The following ZXDC variants were observed in gnomAD, a reference collection of about 807,000 sequenced individuals.
ZXDC encodes the protein zinc finger protein ZXDC.
A neutral mutation model predicts 63.6 loss-of-function variants in ZXDC; 58 were observed. The ratio of observed to expected loss-of-function variants is 0.91; its 90% CI spans 0.74 to 1.13. ZXDC has a LOEUF of 1.13. Among genes scored for constraint, ZXDC ranks in the 50% most tolerant of loss-of-function variants. The pLI is 0.00. For synonymous variants in ZXDC, 561 were observed against 496.1 expected (o/e 1.13, Z -1.74); for missense variants, 1,133 against 1,148.9 (o/e 0.99, Z 0.20).
At chr3:126,453,297 G>A in intron 7 of ZXDC, 2 of 985,362 alleles carry the variant, frequency 2.0e-6, no homozygotes, top group Middle Eastern at 5.2e-4. Flanking sequence ...TGCTCAGACA[G>A]AAAAGGAAAA....
In ZXDC at chr3:126,466,214, A is replaced by G; in HGVS notation, c.1382T>C (p.Leu461Pro). 1 of 1,614,252 alleles carries G rather than the reference A, an allele frequency of 6.2e-7. No homozygotes were observed. Among genetic ancestry groups the G allele is most frequent in the African/African-American group, 1.3e-5 (1 of 75,050 alleles). The change falls in exon 5 of 10, where the codon CTC (leucine) becomes CCC (proline). Residue 461 changes from leucine (L) to proline (P), a missense_variant. By Grantham distance (98) the Leu-to-Pro change is moderately conservative. Transcript: ENST00000389709. ...CTTCATGCTGTGCTTGGAGGTGAAGAGTCTGTTGCAGGTAGAAACTGGGCA... is the reference window on the plus strand; with the variant it reads ...CTTCATGCTGTGCTTGGAGGTGAAGGGTCTGTTGCAGGTAGAAACTGGGCA... ...SRCPVSTCNR[L>P]FTSKHSMKAH...
intron 7 of ZXDC, among the ~76,000 whole-genome samples, chr3:126,456,404 G>C (rs1274005112): frequency 6.6e-6 from 1 of 152,254 alleles, no homozygotes; most frequent in Non-Finnish European, 1.5e-5. Context: ...GAGGGCTGGA[G>C]ACTAAGGCCA....
chr3:126,471,326 T>G (rs1410082883), intron 3 of ZXDC, among the ~76,000 whole-genome samples: 7 of 152,294 alleles, frequency 4.6e-5, no homozygotes, highest in African/African-American at 1.7e-4. Flanking sequence ...ATGAAGGTGT[T>G]TCTATTGTTT....
intron 7 of ZXDC, chr3:126,459,271 A>T: frequency 1.0e-6 from 1 of 985,430 alleles, no homozygotes; most frequent in Non-Finnish European, 1.2e-6. Flanking sequence ...ACCTGGGGAC[A>T]GTGGCAGTCC....
intron 7 of ZXDC, chr3:126,454,066 T>TATA: frequency 2.7e-6 from 2 of 735,874 alleles, no homozygotes; most frequent in African/African-American, 2.1e-5. Flanking sequence ...ATATATATAT[T>TATA]TTTTTTTTTG....
chr3:126,446,490 C>T (rs894648957), intron 7 of ZXDC, among the ~76,000 whole-genome samples: 1 of 152,218 alleles, frequency 6.6e-6, no homozygotes, highest in Admixed American at 6.5e-5. Context: ...CCAGTAGCAC[C>T]GCAGTGCCTG....
At chr3:126,442,141 A>C in intron 7 of ZXDC, 195 bp from the exon 8 acceptor site, 2 of 548,792 alleles carry the variant, frequency 3.6e-6, no homozygotes, top group Non-Finnish European at 5.5e-6. Flanking sequence ...ACAAAAAAAC[A>C]TCAGGATTTT....
Position 126,438,159 on chromosome 3 carries a change from T to C in ZXDC, c.*216A>G. On this transcript the variant is annotated 3_prime_UTR_variant, in exon 10 of 10. Transcript: ENST00000389709. ...GGAGACCCTTGCCTTGCCAAAGCAC[T>C]TTGCTCACAAAGGCAGTTTCAAAGA... The C allele has an allele frequency of 1.7e-6, 1 of 588,714 alleles. No homozygotes were observed. Among genetic ancestry groups the C allele is most frequent in the East Asian group, 2.8e-5 (1 of 35,088 alleles). The allele number at this position is 588,714 out of a possible 1,614,324, so 36.5% of individuals were successfully genotyped here.
At chr3:126,454,064 A>ATAT (rs371059275) in intron 7 of ZXDC, 513 of 641,770 alleles carry the variant, frequency 8.0e-4, no homozygotes, top group South Asian at 1.3e-3. Context: ...ATATATATAT[A>ATAT]TTTTTTTTTT....
At chr3:126,452,517 G>A (rs1934147136) in intron 7 of ZXDC, 1 of 985,202 alleles carries the variant, frequency 1.0e-6, no homozygotes, top group Admixed American at 6.2e-5. Flanking sequence ...CATCCATTTT[G>A]TAAATCAAAT....
intron 8 of ZXDC, 158 bp from the exon 9 acceptor site, chr3:126,439,885 T>TG (rs1933613047): frequency 7.0e-7 from 1 of 1,435,754 alleles, no homozygotes; most frequent in Non-Finnish European, 9.1e-7. Context: ...GAATTGTTTA[T>TG]GGGGGCTGGG....
intron 7 of ZXDC, among the ~76,000 whole-genome samples, chr3:126,457,977 A>G (rs1934373992): frequency 6.6e-6 from 1 of 152,226 alleles, no homozygotes; most frequent in Admixed American, 6.5e-5. Context: ...CGAAAGAACA[A>G]TCAGTTTCTT....
At chr3:126,460,698 C>T in intron 6 of ZXDC, 3 of 985,374 alleles carry the variant, frequency 3.0e-6, no homozygotes, top group Non-Finnish European at 3.6e-6. Context: ...AAGCAAGACA[C>T]CAGAAATGCA....
chr3:126,454,062 A>ATT, intron 7 of ZXDC: 4 of 701,066 alleles, frequency 5.7e-6, no homozygotes, highest in African/African-American at 2.1e-5. Flanking sequence ...ATATATATAT[A>ATT]TATTTTTTTT....
intron 5 of ZXDC, 57 bp downstream of exon 5, chr3:126,466,098 C>T (rs1799389): frequency 0.6 from 937,647 of 1,563,240 alleles, 288,090 homozygotes; most frequent in Non-Finnish European, 0.63. Flanking sequence ...GGCACTGGCA[C>T]TGTTCCCGTT....
At chr3:126,440,638 CT>C in intron 8 of ZXDC, 1 of 986,518 alleles carries the variant, frequency 1.0e-6, no homozygotes, top group Non-Finnish European at 1.2e-6. Flanking sequence ...CCCCCTCCCC[CT>C]GCCCCTGCTC....
chr3:126,461,835 T>C lies in ZXDC; in HGVS notation c.1827A>G (p.Leu609=), dbSNP rs1463958699. The change falls in exon 6 of 10, where the codon TTA becomes TTG. Residue 609 remains leucine, a synonymous_variant. Transcript: ENST00000389709. The stretch of plus-strand genomic sequence containing the variant: ...TCATGGGCAGAGCCACCAGACAGCC[T>C]AATGCTCCTGCACTCACAGTCTGCA... The part of the protein sequence containing the change: ...DDVQTVSAGA[L]GCLVALPMKN... 2.5e-6 allele frequency: 4 copies of C among 1,614,022 alleles called. No homozygotes were observed. Among genetic ancestry groups the C allele is most frequent in the African/African-American group, 1.3e-5 (1 of 74,900 alleles).
At chr3:126,468,332 G>A (rs564545029) in intron 4 of ZXDC, among the ~76,000 whole-genome samples, 31 of 151,892 alleles carry the variant, frequency 2.0e-4, no homozygotes, top group African/African-American at 7.2e-4. Context: ...ACAAAAAAAG[G>A]TAGTTTTGCC....
At chr3:126,461,482 C>G (rs769552793) in intron 6 of ZXDC, 53 bp downstream of exon 6, 1 of 1,542,550 alleles carries the variant, frequency 6.5e-7, no homozygotes, top group Non-Finnish European at 8.7e-7. Context: ...TCCTCAAGAC[C>G]GAGTATGAGA....
Sources: allele counts gnomAD v4.1 joint callset (sites outside exome capture counted in the v4.1 genomes callset), GRCh38; gene constraint gnomAD v4.1.1; transcripts MANE v1.5; gene names NCBI Gene and HGNC (gene_info 2026-07-23, HGNC 2026-07-21).